Variants in GRM8 observed in about 807,000 individuals in gnomAD.
The protein encoded by GRM8 is glutamate metabotropic receptor 8, also known as metabotropic glutamate receptor 8.
Under a neutral mutation model 87.2 loss-of-function variants are expected in GRM8, and 47 were observed. That is an observed-to-expected ratio of 0.54 (90% CI 0.43 to 0.69). The LOEUF is 0.69. GRM8 is among the 30% of genes least tolerant of loss of function. GRM8 has a pLI of 0.00. For missense variants in GRM8, 1,019 were observed against 1,139.2 expected (o/e 0.89, Z 1.52); for synonymous variants, 396 against 404.5 (o/e 0.98, Z 0.25).
In GRM8 at chr7:126,942,435, C is replaced by T. The variant is rs545191368; in HGVS notation, c.728-37752G>A. Among the ~76,000 whole-genome samples, 104 of 152,270 alleles carry T rather than the reference C, an allele frequency of 6.8e-4. 1 individual carries two copies. In the South Asian group the frequency reaches 0.016, roughly 23 times the overall value. ...TCATTATAATTGGAAGCAGTGGGTG[C>T]TTAAGCACTCATTACCTGACAAGGA... On this transcript the variant is annotated intron_variant, in intron 3 of 10. Coordinates refer to ENST00000339582, the MANE Select transcript of GRM8 (RefSeq NM_000845.3).
intron 6 of GRM8, among the ~76,000 whole-genome samples, chr7:126,799,347 C>A (rs927072317): frequency 1.3e-5 from 2 of 152,034 alleles, no homozygotes; most frequent in African/African-American, 4.8e-5. Context: ...ACAAACATCC[C>A]ACGTGAGACA....
chr7:126,498,306 T>C (rs1562885081), intron 9 of GRM8, among the ~76,000 whole-genome samples: 1 of 151,954 alleles, frequency 6.6e-6, no homozygotes, highest in East Asian at 1.9e-4. Flanking sequence ...TGACTGCTCA[T>C]GCATGATAAA....
At chr7:127,130,179 G>C (rs1270891107) in intron 2 of GRM8, among the ~76,000 whole-genome samples, 1 of 152,192 alleles carries the variant, frequency 6.6e-6, no homozygotes, top group Non-Finnish European at 1.5e-5. Flanking sequence ...GGAACTGTGA[G>C]TCAATTAAAC....
chr7:127,227,047 A>G lies in GRM8; in HGVS notation c.510+15648T>C, dbSNP rs76027332. ...CTTAGAGGAACTCTAAAAAAGATCA[A>G]AAGTGTTTTCAAAGTAAAGGTAGAG... On this transcript the variant is annotated intron_variant, in intron 2 of 10. Coordinates refer to ENST00000339582, the MANE Select transcript of GRM8 (RefSeq NM_000845.3). 6.4e-3 allele frequency among the ~76,000 whole-genome samples: 982 copies of G among 152,352 alleles called. 7 individuals carry two copies. Among genetic ancestry groups the G allele is most frequent in the Non-Finnish European group, 1.0e-2 (678 of 68,034 alleles).
chr7:126,517,420 C>T (rs968567219), intron 9 of GRM8, among the ~76,000 whole-genome samples: 3 of 152,098 alleles, frequency 2.0e-5, no homozygotes, highest in South Asian at 2.1e-4. Context: ...TTTACAGACA[C>T]GAGCTGAGGC....
chr7:127,237,795 G>A (rs1798062140), intron 2 of GRM8, among the ~76,000 whole-genome samples: 1 of 152,204 alleles, frequency 6.6e-6, no homozygotes, highest in Admixed American at 6.5e-5. Flanking sequence ...ATTTGACAGT[G>A]TCCTCTTACA....
intron 9 of GRM8, among the ~76,000 whole-genome samples, chr7:126,479,141 C>A (rs1806357623): frequency 6.6e-6 from 1 of 152,038 alleles, no homozygotes; most frequent in South Asian, 2.1e-4. Flanking sequence ...ATATTCTGTT[C>A]TTCACAAGCA....
chr7:127,245,456 G>A (rs1463810656), intron 1 of GRM8, among the ~76,000 whole-genome samples: 1 of 152,250 alleles, frequency 6.6e-6, no homozygotes, highest in South Asian at 2.1e-4. Flanking sequence ...AGAATAAATG[G>A]CTTTCAATTA....
chr7:126,914,444 C>A (rs2896387), intron 3 of GRM8, among the ~76,000 whole-genome samples: 54 of 152,260 alleles, frequency 3.5e-4, no homozygotes, highest in African/African-American at 1.1e-3. Flanking sequence ...AAAAGAAATT[C>A]TTCTACCAAA....
At chr7:127,107,042 C>T (rs1187849558) in intron 2 of GRM8, among the ~76,000 whole-genome samples, 1 of 152,116 alleles carries the variant, frequency 6.6e-6, no homozygotes, top group East Asian at 1.9e-4. Flanking sequence ...ACATGATAAG[C>T]TCTGGTGCAG....
chr7:126,620,509 GT>G (rs952442997), intron 7 of GRM8, among the ~76,000 whole-genome samples: 11 of 150,432 alleles, frequency 7.3e-5, no homozygotes, highest in African/African-American at 2.0e-4. Flanking sequence ...TTCAATGAAG[GT>G]TTTTTTTTTC....
intron 7 of GRM8, among the ~76,000 whole-genome samples, chr7:126,656,474 C>G (rs941398829): frequency 5.9e-5 from 9 of 151,952 alleles, no homozygotes; most frequent in Non-Finnish European, 1.3e-4. Flanking sequence ...GTCAGGAGAT[C>G]GAGACCAACC....
intron 3 of GRM8, among the ~76,000 whole-genome samples, chr7:127,033,422 ATAATTG>A (rs1817571876): frequency 6.6e-6 from 1 of 152,098 alleles, no homozygotes; most frequent in African/African-American, 2.4e-5. Context: ...AATATTAATT[ATAATTG>A]TAAGTAGTAG....
intron 3 of GRM8, among the ~76,000 whole-genome samples, chr7:127,003,863 G>T (rs1195399871): frequency 6.6e-6 from 1 of 151,690 alleles, no homozygotes; most frequent in African/African-American, 2.4e-5. Context: ...TTAGAATCTT[G>T]TGGTTAAGGG....
At chr7:127,006,739 C>A (rs1814349609) in intron 3 of GRM8, among the ~76,000 whole-genome samples, 1 of 151,956 alleles carries the variant, frequency 6.6e-6, no homozygotes, top group Non-Finnish European at 1.5e-5. Context: ...TCTCAATATT[C>A]TCCAGAGTTC....
chr7:127,242,350 T>C (rs1798350527), intron 2 of GRM8, among the ~76,000 whole-genome samples: 1 of 152,226 alleles, frequency 6.6e-6, no homozygotes, highest in Non-Finnish European at 1.5e-5. Context: ...ATAAATGCGC[T>C]GAGTTCATTA....
intron 7 of GRM8, among the ~76,000 whole-genome samples, chr7:126,651,682 A>G (rs1186123790): frequency 3.3e-5 from 5 of 152,162 alleles, no homozygotes; most frequent in African/African-American, 1.2e-4. Context: ...GGCTCCTCCT[A>G]CCTTTAAGTC....
chr7:126,860,562 A>G (rs1418461725), intron 6 of GRM8, among the ~76,000 whole-genome samples: 1 of 152,184 alleles, frequency 6.6e-6, no homozygotes, highest in African/African-American at 2.4e-5. Flanking sequence ...ACAATTACTA[A>G]TTAAAATGGT....
intron 6 of GRM8, among the ~76,000 whole-genome samples, chr7:126,847,432 T>TCC (rs1328828214): frequency 5.3e-5 from 8 of 152,164 alleles, no homozygotes; most frequent in African/African-American, 1.7e-4. Context: ...AAATTTATTT[T>TCC]GCGTATGACC....
Sources: gnomAD v4.1 joint callset for allele counts (sites outside exome capture counted in the v4.1 genomes callset) on GRCh38, gnomAD v4.1.1 for gene constraint, MANE v1.5 for transcripts, NCBI Gene and HGNC (gene_info 2026-07-23, HGNC 2026-07-21) for gene names.